PLAC1: variants seen among roughly 807,000 people sequenced by gnomAD.
PLAC1 encodes the protein placenta-specific protein 1.
For missense variants in PLAC1, 136 were observed against 163.2 expected (o/e 0.83, Z 0.91); for synonymous variants, 68 against 62.1 (o/e 1.09, Z -0.44).
intron 2 of PLAC1, among the ~76,000 whole-genome samples, chrX:134,592,720 C>CTTTTT (rs141372595): frequency 1.6e-5 from 1 of 61,441 alleles, no homozygotes; most frequent in African/African-American, 6.0e-5. Context: ...CTCTGTGTCT[C>CTTTTT]TTTTTTTTTT....
Position 134,650,864 on chromosome X carries a change from C to T in PLAC1, c.-131+7464G>A, listed in dbSNP as rs144720971. 4.2e-3 allele frequency: 607 copies of T among 144,189 alleles called. 5 individuals are homozygous for T. Among genetic ancestry groups the T allele is most frequent in the African/African-American group, 0.016 (507 of 31,825 alleles). 11.9% of individuals were successfully genotyped at this position (144,189 alleles called of 1,213,427 possible). A position where few individuals can be genotyped will look rare whatever the true frequency, so the allele number is the denominator to read the frequency against. On this transcript the variant is annotated intron_variant, in intron 1 of 2. Transcript: ENST00000359237. ...TGAACACTAGGATCACGAAGCCCAA[C>T]GGCAAGAAGCCAGACAAGTTCAAGT...
intron 2 of PLAC1, among the ~76,000 whole-genome samples, chrX:134,665,080 G>A (rs895660621): frequency 9.1e-6 from 1 of 110,147 alleles, no homozygotes; most frequent in South Asian, 3.9e-4. Context: ...GAGTGTGTGT[G>A]TGTGTGTGTG....
intron 2 of PLAC1, among the ~76,000 whole-genome samples, chrX:134,672,948 G>C (rs1408267090): frequency 8.9e-6 from 1 of 112,219 alleles, no homozygotes; most frequent in East Asian, 2.8e-4. Context: ...TGAGTACTTT[G>C]TCAAGGCTCA....
At chrX:134,748,737 A>G (rs1481873676) in intron 1 of PLAC1, among the ~76,000 whole-genome samples, 2 of 111,614 alleles carry the variant, frequency 1.8e-5, no homozygotes, top group Non-Finnish European at 3.8e-5. Flanking sequence ...GAACGTCTTG[A>G]TATTTTACAG....
At chrX:134,574,450 G>A (rs962416922) in intron 2 of PLAC1, among the ~76,000 whole-genome samples, 2 of 111,952 alleles carry the variant, frequency 1.8e-5, no homozygotes, top group African/African-American at 6.5e-5. Flanking sequence ...TTGAAGGCCT[G>A]GGGTAGCAGT....
At chrX:134,663,432 A>ACG (rs1556125069), upstream of PLAC1, among the ~76,000 whole-genome samples, 1 of 108,438 alleles carries the variant, frequency 9.2e-6, no homozygotes, top group Non-Finnish European at 1.9e-5. Flanking sequence ...AAATAAAGAT[A>ACG]TGTGTGTGTG....
chrX:134,636,934 T>C (rs1362797433), intron 1 of PLAC1, among the ~76,000 whole-genome samples: 1 of 112,465 alleles, frequency 8.9e-6, no homozygotes, highest in Non-Finnish European at 1.9e-5. Flanking sequence ...TAGGATTTCA[T>C]TCAGCGAATG....
At chrX:134,604,968 T>A (rs1470811652) in intron 1 of PLAC1, among the ~76,000 whole-genome samples, 1 of 111,563 alleles carries the variant, frequency 9.0e-6, no homozygotes, top group Non-Finnish European at 1.9e-5. Context: ...AGAGCAGGCA[T>A]TTTCAGGCAG....
intron 2 of PLAC1, among the ~76,000 whole-genome samples, chrX:134,669,885 C>T (rs745558074): frequency 1.8e-5 from 2 of 112,054 alleles, no homozygotes; most frequent in South Asian, 7.4e-4. Flanking sequence ...CTGCTCTTGG[C>T]CATGGGGCTT....
At chrX:134,590,209 AAATAAAT>A (rs2078031113) in intron 2 of PLAC1, among the ~76,000 whole-genome samples, 1 of 110,147 alleles carries the variant, frequency 9.1e-6, no homozygotes, top group East Asian at 2.8e-4. Flanking sequence ...ATAAATAAAT[AAATAAAT>A]AATAAATAAA....
intron 1 of PLAC1, among the ~76,000 whole-genome samples, chrX:134,619,862 T>A (rs1156920238): frequency 9.0e-6 from 1 of 111,652 alleles, no homozygotes; most frequent in African/African-American, 3.3e-5. Flanking sequence ...TAGTGCCCCA[T>A]GCAATTAGAA....
chrX:134,631,367 A>AGGCTG (rs1815311476), intron 1 of PLAC1, among the ~76,000 whole-genome samples: 1 of 111,468 alleles, frequency 9.0e-6, no homozygotes, highest in Non-Finnish European at 1.9e-5. Context: ...GTGGTGTCCA[A>AGGCTG]CTCAAAGCCA....
rs763181295 is a variant in PLAC1 at position 134,566,706 on chromosome X, A to G, written c.-24T>C. 15 of 1,139,699 alleles carry G rather than the reference A, an allele frequency of 1.3e-5. No homozygotes were observed. The African/African-American group carries it at 2.1e-4, about 16-fold the overall frequency. The allele number at this position is 1,139,699 out of a possible 1,213,427, so 93.9% of individuals were successfully genotyped here. On this transcript the variant is annotated 5_prime_UTR_variant, in exon 3 of 3. Transcript: ENST00000359237. The stretch of plus-strand genomic sequence containing the variant: ...ATCCCTGCAGCCAATCAGATAATGA[A>G]CCACAGGAAACAGGAAGCCGTCCAG...
At chrX:134,754,250 C>T in intron 1 of PLAC1, among the ~76,000 whole-genome samples, 1 of 112,117 alleles carries the variant, frequency 8.9e-6, no homozygotes, top group Admixed American at 9.5e-5. Context: ...TCAACAAAAT[C>T]CAGCAGAATA....
At chrX:134,682,210 T>A (rs2078500031) in intron 2 of PLAC1, among the ~76,000 whole-genome samples, 1 of 112,742 alleles carries the variant, frequency 8.9e-6, no homozygotes, top group Non-Finnish European at 1.9e-5. Context: ...ATTCTATGAT[T>A]CCTTCTGTAT....
At chrX:134,732,696 T>C (rs1602941907) in intron 2 of PLAC1, among the ~76,000 whole-genome samples, 1 of 111,856 alleles carries the variant, frequency 8.9e-6, no homozygotes, top group African/African-American at 3.3e-5. Flanking sequence ...ACCTTGAGCT[T>C]TATTAGAATG....
At chrX:134,688,509 A>G (rs1251146945) in intron 2 of PLAC1, among the ~76,000 whole-genome samples, 1 of 112,419 alleles carries the variant, frequency 8.9e-6, no homozygotes, top group African/African-American at 3.2e-5. Flanking sequence ...TGACAAGGAC[A>G]CTAAATCCTT....
chrX:134,742,313 C>T (rs1477463649), intron 1 of PLAC1, among the ~76,000 whole-genome samples: 2 of 112,686 alleles, frequency 1.8e-5, no homozygotes, highest in Non-Finnish European at 3.8e-5. Context: ...GTGGGCCGGG[C>T]GCAGTGGCTC....
chrX:134,668,771 C>T (rs1270019441), intron 2 of PLAC1, among the ~76,000 whole-genome samples: 3 of 112,580 alleles, frequency 2.7e-5, no homozygotes, highest in Non-Finnish European at 3.8e-5. Flanking sequence ...CTTCTGGCCT[C>T]CCCAAATTTC....
Sources: gnomAD v4.1 joint callset for allele counts (sites outside exome capture counted in the v4.1 genomes callset) on GRCh38, gnomAD v4.1.1 for gene constraint, MANE v1.5 for transcripts, NCBI Gene and HGNC (gene_info 2026-07-23, HGNC 2026-07-21) for gene names.